EHD4: variants seen among roughly 807,000 people sequenced by gnomAD.
The protein encoded by EHD4 is EH domain-containing protein 4.
In EHD4, 37 loss-of-function variants were observed where a neutral mutation model predicts 51.0. The ratio of observed to expected loss-of-function variants is 0.73; its 90% CI spans 0.56 to 0.95. The LOEUF (loss-of-function observed/expected upper bound fraction) is 0.95. Ranked by LOEUF, EHD4 falls within the 40% of genes least tolerant of loss-of-function variation. EHD4 has a pLI of 0.00. For synonymous variants in EHD4, 297 were observed against 317.3 expected (o/e 0.94, Z 0.68); for missense variants, 632 against 733.1 (o/e 0.86, Z 1.59).
chr15:41,939,924 T>C (rs2067757720), intron 3 of EHD4, among the ~76,000 whole-genome samples: 1 of 152,144 alleles, frequency 6.6e-6, no homozygotes, highest in African/African-American at 2.4e-5. Flanking sequence ...ATGGGTTTCA[T>C]TTATACGGCT....
Position 41,901,081 on chromosome 15 carries a change from A to G in EHD4, c.1190T>C (p.Met397Thr), listed in dbSNP as rs1373510938. 1.2e-6 allele frequency: 2 copies of G among 1,612,790 alleles called. No individual in the cohort carries two copies. Among genetic ancestry groups the G allele is most frequent in the Admixed American group, 1.7e-5 (1 of 59,876 alleles). Residue 397 changes from methionine to threonine, a missense_variant, in exon 6 of 6, where the codon ATG becomes ACG. Met to Thr is a moderately conservative substitution (Grantham distance 81). Coordinates refer to ENST00000220325, the MANE Select transcript of EHD4 (RefSeq NM_139265.4). Reference protein sequence around the residue: ...NMLSNKISPLMNLISQEETST... With the variant: ...NMLSNKISPLTNLISQEETST... ...CGTCTCCTCCTGGCTGATGAGGTTC[A>G]TGAGGGGCGAGATCTTGTTGCTCAG...
chr15:41,944,773 T>C (rs746957917), intron 2 of EHD4, among the ~76,000 whole-genome samples: 9 of 152,182 alleles, frequency 5.9e-5, no homozygotes, highest in Non-Finnish European at 5.9e-5. Flanking sequence ...GTTTCTGATG[T>C]CAGTGGGGTG....
intron 3 of EHD4, among the ~76,000 whole-genome samples, chr15:41,941,352 T>C (rs1813099567): frequency 6.6e-6 from 1 of 152,136 alleles, no homozygotes; most frequent in Non-Finnish European, 1.5e-5. Flanking sequence ...AAAATCAAGG[T>C]GTAGAAAATG....
At chr15:41,934,888 G>A (rs1032459170) in intron 3 of EHD4, among the ~76,000 whole-genome samples, 28 of 152,290 alleles carry the variant, frequency 1.8e-4, no homozygotes, top group African/African-American at 6.5e-4. Flanking sequence ...AGGAAGACCC[G>A]GACATTCCTA....
At chr15:41,925,021 C>T (rs1413400326) in intron 3 of EHD4, among the ~76,000 whole-genome samples, 1 of 149,972 alleles carries the variant, frequency 6.7e-6, no homozygotes, top group Non-Finnish European at 1.5e-5. Flanking sequence ...GACTGTGCCG[C>T]TGTACTCCAG....
At chr15:41,917,096 C>CCTAT (rs1555380305) in intron 4 of EHD4, among the ~76,000 whole-genome samples, 2 of 141,788 alleles carry the variant, frequency 1.4e-5, no homozygotes, top group Non-Finnish European at 3.1e-5. Context: ...CTTTCTGCTC[C>CCTAT]TTATTTATTT....
chr15:41,902,396 C>A (rs967992472), intron 5 of EHD4, among the ~76,000 whole-genome samples: 2 of 152,134 alleles, frequency 1.3e-5, no homozygotes, highest in African/African-American at 4.8e-5. Flanking sequence ...TCCACCTACC[C>A]GACCAACTTT....
chr15:41,954,385 G>A (rs1350141891), intron 1 of EHD4, among the ~76,000 whole-genome samples: 1 of 152,084 alleles, frequency 6.6e-6, no homozygotes, highest in Non-Finnish European at 1.5e-5. Flanking sequence ...GGGGCTCAAG[G>A]GAAAAAACCT....
chr15:41,907,092 A>G (rs1396403376), intron 5 of EHD4, among the ~76,000 whole-genome samples: 2 of 152,108 alleles, frequency 1.3e-5, no homozygotes, highest in Admixed American at 1.3e-4. Context: ...TCCCTACATT[A>G]TCGGGCTCAC....
chr15:41,956,146 G>A (rs2067886368), intron 1 of EHD4, among the ~76,000 whole-genome samples: 1 of 152,232 alleles, frequency 6.6e-6, no homozygotes, highest in South Asian at 2.1e-4. Context: ...AGTGCTAATA[G>A]CAACGGTGGG....
At chr15:41,902,467 GAAAAGCCATA>G (rs1197372001) in intron 5 of EHD4, among the ~76,000 whole-genome samples, 1 of 152,144 alleles carries the variant, frequency 6.6e-6, no homozygotes. Flanking sequence ...GAATAAATAT[GAAAAGCCATA>G]ATTCCTGCTT....
At chr15:41,949,016 CTATATA>C (rs3035677) in intron 2 of EHD4, among the ~76,000 whole-genome samples, 11,485 of 92,308 alleles carry the variant, frequency 0.12, 879 homozygotes, top group East Asian at 0.2. Flanking sequence ...CAGAGTGAGA[CTATATA>C]TATATATATA....
intron 2 of EHD4, among the ~76,000 whole-genome samples, chr15:41,946,798 A>G (rs1030513835): frequency 6.6e-6 from 1 of 152,218 alleles, no homozygotes; most frequent in Non-Finnish European, 1.5e-5. Flanking sequence ...TCCCCCAAAC[A>G]CTAAAATTCC....
At chr15:41,952,685 A>C (rs776388303) in intron 2 of EHD4, among the ~76,000 whole-genome samples, 1 of 152,164 alleles carries the variant, frequency 6.6e-6, no homozygotes, top group Non-Finnish European at 1.5e-5. Context: ...ACAACTTTAC[A>C]TCTATAAAAT....
intron 3 of EHD4, among the ~76,000 whole-genome samples, chr15:41,922,950 A>T (rs1317564183): frequency 6.6e-6 from 1 of 152,242 alleles, no homozygotes; most frequent in Non-Finnish European, 1.5e-5. Context: ...TCAAAGGAGT[A>T]GAAATCACCG....
chr15:41,962,605 G>T (rs997444082), intron 1 of EHD4, among the ~76,000 whole-genome samples: 2 of 150,720 alleles, frequency 1.3e-5, no homozygotes, highest in African/African-American at 4.9e-5. Flanking sequence ...GGGTTAAAAA[G>T]TTAAATATTT....
At position 41,900,542 on chromosome 15, in the gene EHD4, A is replaced by C. The variant is rs948152371; in HGVS notation, c.*103T>G. ...ATTCTACAGATGGGGAAACCAAGGC[A>C]CAGAGAGGGCAGTGCCTTGCCCAAG... On this transcript the variant is annotated 3_prime_UTR_variant, in exon 6 of 6. Transcript: ENST00000220325. This position sits in a 1 kb window ranked among gnomAD's most constrained non-coding sequence, Gnocchi z 4.8. The C allele has an allele frequency of 8.1e-6, 10 of 1,242,136 alleles. No homozygotes were observed. The African/African-American group carries it at 1.4e-4, about 17-fold the overall frequency. 76.9% of individuals were successfully genotyped at this position (1,242,136 alleles called of 1,614,324 possible).
chr15:41,910,968 C>T (rs567039668), intron 4 of EHD4, among the ~76,000 whole-genome samples: 1 of 152,270 alleles, frequency 6.6e-6, no homozygotes, highest in Admixed American at 6.5e-5. Flanking sequence ...AAGAAAATGA[C>T]TATGTAGCAA....
chr15:41,935,015 G>A (rs1243150340), intron 3 of EHD4, among the ~76,000 whole-genome samples: 2 of 152,142 alleles, frequency 1.3e-5, no homozygotes, highest in Non-Finnish European at 2.9e-5. Flanking sequence ...CAGGTGGCGG[G>A]GGGGCCTCCT....
Sources: allele counts gnomAD v4.1 joint callset (sites outside exome capture counted in the v4.1 genomes callset), GRCh38; gene constraint gnomAD v4.1.1; non-coding constraint Gnocchi (gnomAD v3.1); transcripts MANE v1.5; gene names NCBI Gene and HGNC (gene_info 2026-07-23, HGNC 2026-07-21).